Variants in DYNC2H1 observed in about 807,000 individuals in gnomAD.
DYNC2H1 encodes the protein cytoplasmic dynein 2 heavy chain 1.
DYNC2H1 carries 410 observed loss-of-function variants against 570.0 expected under a neutral mutation model. That is an observed-to-expected ratio of 0.72 (90% confidence interval 0.66 to 0.78). The LOEUF (loss-of-function observed/expected upper bound fraction) is 0.78, where lower values mean the gene tolerates loss of function less well. Among genes scored for constraint, DYNC2H1 ranks in the 30% least tolerant of loss-of-function variants. The pLI is 0.00. For missense variants in DYNC2H1, 4,865 were observed against 5,046.4 expected, an observed-to-expected ratio of 0.96 and a Z score of 1.09; for synonymous variants, 1,688 against 1,677.6, an observed-to-expected ratio of 1.01 and a Z score of -0.15.
Position 103,286,305 on chromosome 11 carries a change from G to A in DYNC2H1, c.10941G>A (p.Leu3647=), listed in dbSNP as rs937248632. The A allele has an allele frequency of 1.9e-6, 3 of 1,613,770 alleles. No homozygotes were observed. Among genetic ancestry groups the A allele is most frequent in the Non-Finnish European group, 2.5e-6 (3 of 1,179,780 alleles). The change falls in exon 74 of 89, where the codon CTG becomes CTA. Residue 3647 remains leucine (L), a synonymous_variant. Transcript: ENST00000375735. The part of the protein sequence containing the change: ...YQTLCFEDAA[L]WRTYYNNSMC... ...CCCTCTGCTTTGAAGATGCAGCTCT[G>A]TGGCGTACTTATTATAATAATTCAA...
In DYNC2H1 at chr11:103,252,260, A is replaced by G. The variant is rs930745979; in HGVS notation, c.10043-1025A>G. 6.6e-6 allele frequency among the ~76,000 whole-genome samples: 1 copy of G among 152,068 alleles called. No homozygotes were observed. The highest frequency in any genetic ancestry group is 2.4e-5 in the African/African-American group (1 of 41,406). Reference sequence around the variant, plus strand: ...CACATTTTCTTTATCCGATCTGTTGATGGACATTCAGGTTGTTTCCATGTC... The same window carrying G: ...CACATTTTCTTTATCCGATCTGTTGGTGGACATTCAGGTTGTTTCCATGTC... On this transcript the variant is annotated intron_variant, in intron 65 of 88. Coordinates refer to ENST00000375735, the MANE Select transcript of DYNC2H1 (RefSeq NM_001377.3). This position sits in a 1 kb window ranked among gnomAD's most constrained non-coding sequence, Gnocchi z 4.6.
chr11:103,417,227 A>G (rs546896103), intron 84 of DYNC2H1, among the ~76,000 whole-genome samples: 2 of 151,966 alleles, frequency 1.3e-5, no homozygotes, highest in Non-Finnish European at 2.9e-5. Context: ...CTACAGGCGC[A>G]TGCCACCACA....
rs534969934 is a variant in DYNC2H1, at chr11:103,399,150, T to G, written c.12157-513T>G. 1.1e-3 allele frequency among the ~76,000 whole-genome samples: 140 copies of G among 131,338 alleles called. 3 individuals carry two copies. Among genetic ancestry groups the G allele is most frequent in the Middle Eastern group, 7.2e-3 (2 of 278 alleles). The allele number at this position is 131,338 out of a possible 152,430, so 86.2% of individuals were successfully genotyped here. ...CATTTCCCACACCGTTTTTTTTTTGTTTTTTTTTTTGAGATGGAGTCTCAC... is the reference window on the plus strand; with the variant it reads ...CATTTCCCACACCGTTTTTTTTTTGGTTTTTTTTTTGAGATGGAGTCTCAC... On this transcript the variant is annotated intron_variant, in intron 83 of 88. Coordinates refer to ENST00000375735, the MANE Select transcript of DYNC2H1 (RefSeq NM_001377.3).
At position 103,129,691 on chromosome 11, in the gene DYNC2H1, G is replaced by GA. The variant is rs969283232; in HGVS notation, c.1953+694dup. On this transcript the variant is annotated intron_variant, in intron 13 of 88. Transcript: ENST00000375735. This position sits in a 1 kb window ranked among gnomAD's most constrained non-coding sequence, Gnocchi z 4.1. The stretch of plus-strand genomic sequence containing the variant: ...AGAGCGACTCCATCTCAAAAAAAAA[G>GA]AAAAAAAAGAAAGAAAAAGAAATTA... 2.0e-5 allele frequency among the ~76,000 whole-genome samples: 3 copies of GA among 150,584 alleles called. No individual in the cohort carries two copies. The highest frequency in any genetic ancestry group is 2.4e-5 in the African/African-American group (1 of 41,012).
At chr11:103,248,787 G>T (rs1864719105) in intron 65 of DYNC2H1, among the ~76,000 whole-genome samples, 1 of 151,982 alleles carries the variant, frequency 6.6e-6, no homozygotes, top group Admixed American at 6.6e-5. Flanking sequence ...TTATCTGATT[G>T]TTACAGAAGT....
At chr11:103,220,990 C>T (rs1424783779) in intron 57 of DYNC2H1, among the ~76,000 whole-genome samples, 1 of 151,428 alleles carries the variant, frequency 6.6e-6, no homozygotes, top group Admixed American at 6.6e-5. Context: ...TTAAAAGTGT[C>T]AAAAGAGGAG....
chr11:103,128,610 A>G (rs118165036), intron 12 of DYNC2H1, among the ~76,000 whole-genome samples: 7,216 of 152,316 alleles, frequency 0.047, 233 homozygotes, highest in Non-Finnish European at 0.068. Context: ...TTTAGCATTT[A>G]ACATGCTTCA....
chr11:103,195,800 C>A (rs549161300), intron 47 of DYNC2H1, among the ~76,000 whole-genome samples: 1 of 152,106 alleles, frequency 6.6e-6, no homozygotes, highest in East Asian at 1.9e-4. Context: ...TTATTTAGAT[C>A]TTTGCTTTCT....
intron 83 of DYNC2H1, among the ~76,000 whole-genome samples, chr11:103,374,804 A>G (rs1299656451): frequency 1.3e-5 from 2 of 152,234 alleles, no homozygotes; most frequent in Non-Finnish European, 2.9e-5. Context: ...AAGAGGAAGC[A>G]GAGCATAAAA....
At chr11:103,303,775 C>T (rs768571135) in intron 76 of DYNC2H1, among the ~76,000 whole-genome samples, 8 of 152,076 alleles carry the variant, frequency 5.3e-5, no homozygotes, top group Non-Finnish European at 1.0e-4. Flanking sequence ...TTCTGGCCGC[C>T]AGAAGTCTGA....
rs1391151149 is a variant in DYNC2H1, at chr11:103,215,613, A to G, written c.8695-108A>G. The G allele has an allele frequency of 8.9e-6, 10 of 1,120,530 alleles. No homozygotes were observed. The African/African-American group carries it at 1.4e-4, about 16-fold the overall frequency. 69.4% of individuals were successfully genotyped at this position (1,120,530 alleles called of 1,614,324 possible). On this transcript the variant is annotated intron_variant, in intron 54 of 88. Coordinates refer to ENST00000375735, the MANE Select transcript of DYNC2H1 (RefSeq NM_001377.3). ...CTAAGTCTACTTGCTACTGTTTTGTATATACACACTTAACATGTTTGCTTG... is the reference window on the plus strand; with the variant it reads ...CTAAGTCTACTTGCTACTGTTTTGTGTATACACACTTAACATGTTTGCTTG...
Position 103,222,117 on chromosome 11 carries a change from ACTT to A in DYNC2H1, c.9199_9201del (p.Leu3067del). The A allele has an allele frequency of 1.3e-6, 2 of 1,588,156 alleles. No homozygotes were observed. Among genetic ancestry groups the A allele is most frequent in the Non-Finnish European group, 1.7e-6 (2 of 1,167,348 alleles). ...AGGAAATAAGAGAGAGTGTTGAAGA[ACTT>A]CTTTTTAAAAATAAAGGCTCTTTTG... is the stretch of plus-strand genomic sequence containing the variant. On this transcript the variant is annotated inframe_deletion, in exon 58 of 89. Transcript: ENST00000375735.
At position 103,122,901 on chromosome 11, in the gene DYNC2H1, A is replaced by G. The variant is rs1858792343; in HGVS notation, c.1562A>G (p.Lys521Arg). The G allele has an allele frequency of 2.5e-6, 4 of 1,613,132 alleles. No individual in the cohort carries two copies. The highest frequency in any genetic ancestry group is 3.4e-6 in the Non-Finnish European group (4 of 1,179,504). ...PGFRCFHQSA[K>R]DLLDQLKLYE... ...TTTCGATGTTTCCATCAAAGTGCCA[A>G]AGATCTCTTAGACCAGCTTAAACTA... The change falls in exon 11 of 89, where the codon AAA (lysine) becomes AGA (arginine). Residue 521 changes from lysine (K) to arginine (R), a missense_variant. Coordinates refer to ENST00000375735, the MANE Select transcript of DYNC2H1 (RefSeq NM_001377.3).
intron 1 of DYNC2H1, among the ~76,000 whole-genome samples, chr11:103,112,682 G>A (rs1858170552): frequency 6.6e-6 from 1 of 152,156 alleles, no homozygotes; most frequent in Non-Finnish European, 1.5e-5. Context: ...GTAATTATTT[G>A]GATAGAAATA....
intron 20 of DYNC2H1, among the ~76,000 whole-genome samples, chr11:103,150,413 T>G (rs1860480076): frequency 6.6e-6 from 1 of 152,022 alleles, no homozygotes; most frequent in Non-Finnish European, 1.5e-5. Flanking sequence ...CTCCACTGAT[T>G]GATGATGTAT....
At chr11:103,435,037 C>A (rs1201334960) in intron 84 of DYNC2H1, among the ~76,000 whole-genome samples, 1 of 152,104 alleles carries the variant, frequency 6.6e-6, no homozygotes, top group Non-Finnish European at 1.5e-5. Flanking sequence ...AATCACTACA[C>A]CTGTTTTAGA....
chr11:103,170,994 G>C lies in DYNC2H1; in HGVS notation c.5260G>C (p.Val1754Leu). ...GCTGGAAGAATCTGTACTGTCAGCA[G>C]TTTCTATGCAAATCCAGACAATTCA... ...NRLEESVLSA[V>L]SMQIQTIQDA... is the part of the protein sequence containing the mutation. The change falls in exon 34 of 89, where the codon GTT becomes CTT. Residue 1754 changes from valine to leucine, a missense_variant. By Grantham distance (32) the Val-to-Leu change is conservative. Coordinates refer to ENST00000375735, the MANE Select transcript of DYNC2H1 (RefSeq NM_001377.3). This position sits in a 1 kb window ranked among gnomAD's most constrained non-coding sequence, Gnocchi z 4.8. 6.2e-7 allele frequency: 1 copy of C among 1,612,206 alleles called. No homozygotes were observed.
At chr11:103,200,936 C>T (rs949442221) in intron 50 of DYNC2H1, among the ~76,000 whole-genome samples, 7 of 152,122 alleles carry the variant, frequency 4.6e-5, no homozygotes, top group Non-Finnish European at 1.0e-4. Context: ...AAGTGATTCT[C>T]CTGCCTCAGC....
In DYNC2H1 at chr11:103,289,059, C is replaced by T. The variant is rs1433818683; in HGVS notation, c.11095+1454C>T. Among the ~76,000 whole-genome samples the T allele has an allele frequency of 6.6e-6, 1 of 152,006 alleles. No homozygotes were observed. Among genetic ancestry groups the T allele is most frequent in the African/African-American group, 2.4e-5 (1 of 41,392 alleles). On this transcript the variant is annotated intron_variant, in intron 75 of 88. Coordinates refer to ENST00000375735, the MANE Select transcript of DYNC2H1 (RefSeq NM_001377.3). The surrounding 1 kb of genome is among the most constrained non-coding windows in gnomAD (Gnocchi z 4.2). ...ATGGATCAGCTGACACAACCTAGTCCGGTAATCTGGCTCAACCAATTCTGT... is the reference window on the plus strand; with the variant it reads ...ATGGATCAGCTGACACAACCTAGTCTGGTAATCTGGCTCAACCAATTCTGT...
Sources: gnomAD v4.1 joint callset for allele counts (sites outside exome capture counted in the v4.1 genomes callset) on GRCh38, gnomAD v4.1.1 for gene constraint, Gnocchi (gnomAD v3.1) non-coding constraint, MANE v1.5 for transcripts, NCBI Gene and HGNC (gene_info 2026-07-23, HGNC 2026-07-21) for gene names.